Variants in FAM72B observed in about 807,000 individuals in gnomAD.
FAM72B encodes the protein RUMY family member 2, also known as protein FAM72B.
A neutral mutation model predicts 12.6 loss-of-function variants in FAM72B; 4 were observed. The observed-to-expected ratio is 0.32, with a 90% CI of 0.16 to 0.73. FAM72B has a LOEUF of 0.73. FAM72B is among the 30% of genes least tolerant of loss of function. The pLI is 0.67. For synonymous variants in FAM72B, 13 were observed against 53.9 expected (o/e 0.24, Z 3.32); for missense variants, 61 against 158.4 (o/e 0.39, Z 3.30).
chr1:121,172,737 T>G (rs1413965206), intron 3 of FAM72B, among the ~76,000 whole-genome samples: 1 of 103,228 alleles, frequency 9.7e-6, no homozygotes, highest in Non-Finnish European at 1.8e-5. Context: ...CTCTCCAGCC[T>G]GGGTGACAGA....
Position 121,174,657 on chromosome 1 carries a change from G to A in FAM72B, c.355+2551C>T, listed in dbSNP as rs1482122141. 4.5e-4 allele frequency among the ~76,000 whole-genome samples: 68 copies of A among 150,778 alleles called. 1 individual carries two copies. Among genetic ancestry groups the A allele is most frequent in the African/African-American group, 1.4e-3 (58 of 41,096 alleles). ...GCTGGGATTACAGGTGTGAGCCACC[G>A]CGCCCGGCCTCTTATTCCTTTTTTT... On this transcript the variant is annotated intron_variant, in intron 3 of 3. Transcript: ENST00000369390.
intron 3 of FAM72B, among the ~76,000 whole-genome samples, chr1:121,176,493 G>T: frequency 1.7e-5 from 2 of 120,716 alleles, no homozygotes; most frequent in Non-Finnish European, 1.7e-5. Flanking sequence ...TTTTGATTAA[G>T]GTATGCACAT....
chr1:121,168,726 A>G lies in FAM72B; in HGVS notation c.*15T>C, dbSNP rs782217919. On this transcript the variant is annotated 3_prime_UTR_variant, in exon 4 of 4. Transcript: ENST00000369390. ...ATAGAAAAAAGTTTGTATATCATAT[A>G]TATCATAATTCCATTTATCTAATAC... is the stretch of plus-strand genomic sequence containing the variant. 4 of 1,518,172 alleles carry G rather than the reference A, an allele frequency of 2.6e-6. No individual in the cohort carries two copies. Among genetic ancestry groups the G allele is most frequent in the African/African-American group, 2.8e-5 (2 of 70,598 alleles). 94.0% of individuals were successfully genotyped at this position (1,518,172 alleles called of 1,614,324 possible). A position where few individuals can be genotyped will look rare whatever the true frequency, so the allele number is the denominator to read the frequency against.
At chr1:121,173,190 T>A (rs1428399467) in intron 3 of FAM72B, among the ~76,000 whole-genome samples, 1 of 147,616 alleles carries the variant, frequency 6.8e-6, no homozygotes, top group African/African-American at 2.6e-5. Context: ...AATAATTTTT[T>A]TTTTTTTTTT....
chr1:121,181,017 CT>C (rs1263761303), intron 2 of FAM72B, among the ~76,000 whole-genome samples: 15 of 152,080 alleles, frequency 9.9e-5, no homozygotes, highest in African/African-American at 2.9e-4. Flanking sequence ...TTTCTCCCCC[CT>C]AACCTACATT....
chr1:121,176,400 G>A (rs2101323960), intron 3 of FAM72B, among the ~76,000 whole-genome samples: 1 of 74,416 alleles, frequency 1.3e-5, no homozygotes, highest in East Asian at 5.6e-4. Flanking sequence ...TCAAACTCCT[G>A]GGCTCAAGTG....
intron 3 of FAM72B, among the ~76,000 whole-genome samples, chr1:121,174,856 C>T (rs1456528773): frequency 1.3e-5 from 2 of 151,352 alleles, no homozygotes; most frequent in Non-Finnish European, 2.9e-5. Context: ...CTATATTGGT[C>T]AGGCTGGTCT....
chr1:121,174,387 G>A (rs1183869765), intron 3 of FAM72B, among the ~76,000 whole-genome samples: 2 of 142,858 alleles, frequency 1.4e-5, no homozygotes, highest in African/African-American at 5.3e-5. Flanking sequence ...TTTTTTTTGA[G>A]ATGGAGTTTC....
chr1:121,174,846 C>T (rs1654178864), intron 3 of FAM72B, among the ~76,000 whole-genome samples: 1 of 150,700 alleles, frequency 6.6e-6, no homozygotes, highest in Admixed American at 6.6e-5. Context: ...CAGAGTTCTA[C>T]TATATTGGTC....
At chr1:121,170,172 C>G (rs1478996775) in intron 3 of FAM72B, among the ~76,000 whole-genome samples, 2 of 150,092 alleles carry the variant, frequency 1.3e-5, no homozygotes, top group African/African-American at 4.9e-5. Context: ...GGTTTCACCA[C>G]GTTGGTCAGG....
intron 3 of FAM72B, among the ~76,000 whole-genome samples, chr1:121,170,084 C>T (rs1553316002): frequency 6.6e-6 from 1 of 152,128 alleles, no homozygotes; most frequent in African/African-American, 2.4e-5. Flanking sequence ...GATTCTCATG[C>T]CTCAGCCTCC....
chr1:121,175,066 CTT>C, intron 3 of FAM72B, among the ~76,000 whole-genome samples: 1 of 152,100 alleles, frequency 6.6e-6, no homozygotes, highest in Admixed American at 6.5e-5. Flanking sequence ...GGCTGAATCT[CTT>C]GTTAGAGGAT....
rs369812770 is a variant in FAM72B, at chr1:121,174,429, G to A, written c.355+2779C>T. Among the ~76,000 whole-genome samples the A allele has an allele frequency of 1.8e-4, 25 of 140,980 alleles. 1 individual carries two copies. The highest frequency in any genetic ancestry group is 1.6e-3 in the South Asian group (7 of 4,514). 92.5% of individuals were successfully genotyped at this position (140,980 alleles called of 152,430 possible). ...GTTGCCCAGGCTGGAGTGCAATGGCGTGATCTTGGCTCACCGCAACCTCCG... is the reference window on the plus strand; with the variant it reads ...GTTGCCCAGGCTGGAGTGCAATGGCATGATCTTGGCTCACCGCAACCTCCG... On this transcript the variant is annotated intron_variant, in intron 3 of 3. Transcript: ENST00000369390.
chr1:121,173,412 G>A (rs1654146757), intron 3 of FAM72B, among the ~76,000 whole-genome samples: 1 of 141,974 alleles, frequency 7.0e-6, no homozygotes, highest in East Asian at 2.2e-4. Context: ...AAAATAATTA[G>A]TATAGGCATA....
At position 121,183,590 on chromosome 1, in the gene FAM72B, C is replaced by T. The variant is rs1479773218; in HGVS notation, c.-101G>A. On this transcript the variant is annotated 5_prime_UTR_variant, in exon 1 of 4. Coordinates refer to ENST00000369390, the MANE Select transcript of FAM72B (RefSeq NM_001100910.2). ...TAGGCTAAAATTCAAGTTGCGGGAC[C>T]TAGAGCTTTTCTAAGTCCTAATATT... 6 of 1,607,488 alleles carry T rather than the reference C, an allele frequency of 3.7e-6. No homozygotes were observed. The highest frequency in any genetic ancestry group is 5.1e-6 in the Non-Finnish European group (6 of 1,177,856).
chr1:121,177,833 G>A (rs1435787343), intron 2 of FAM72B, among the ~76,000 whole-genome samples: 1 of 144,704 alleles, frequency 6.9e-6, no homozygotes, highest in Non-Finnish European at 1.5e-5. Context: ...ACAGGCATGA[G>A]CCACCATGCT....
In FAM72B at chr1:121,174,663, G is replaced by A. The variant is rs782466692; in HGVS notation, c.355+2545C>T. On this transcript the variant is annotated intron_variant, in intron 3 of 3. Transcript: ENST00000369390. ...ATTACAGGTGTGAGCCACCGCGCCC[G>A]GCCTCTTATTCCTTTTTTTTTTTTC... Among the ~76,000 whole-genome samples the A allele has an allele frequency of 1.5e-3, 227 of 150,850 alleles. 1 individual carries two copies. The highest frequency in any genetic ancestry group is 1.3e-3 in the Non-Finnish European group (90 of 67,728).
intron 3 of FAM72B, among the ~76,000 whole-genome samples, chr1:121,172,548 A>G (rs1654115033): frequency 6.8e-6 from 1 of 146,744 alleles, no homozygotes; most frequent in Non-Finnish European, 1.5e-5. Context: ...AGATCACCTG[A>G]GGTCAGGAGG....
intron 3 of FAM72B, among the ~76,000 whole-genome samples, chr1:121,176,325 T>A (rs587655363): frequency 2.2e-5 from 2 of 91,552 alleles, no homozygotes; most frequent in African/African-American, 9.8e-5. Context: ...TGCCCCACGA[T>A]GCCTGGATAA....
Sources: gnomAD v4.1 joint callset for allele counts (sites outside exome capture counted in the v4.1 genomes callset) on GRCh38, gnomAD v4.1.1 for gene constraint, MANE v1.5 for transcripts, NCBI Gene and HGNC (gene_info 2026-07-23, HGNC 2026-07-21) for gene names.